The following CHST11 variants were observed in gnomAD, a reference collection of about 807,000 sequenced individuals.
CHST11 encodes C4S-1.
Under a neutral mutation model 30.4 loss-of-function variants are expected in CHST11, and 9 were observed. The ratio of observed to expected loss-of-function variants is 0.30; its 90% CI spans 0.18 to 0.52. The LOEUF is 0.52. Among genes scored for constraint, CHST11 ranks in the 20% least tolerant of loss-of-function variants. The pLI, the probability that CHST11 is intolerant of heterozygous loss-of-function variation, is 0.97. For synonymous variants in CHST11, 152 were observed against 187.8 expected, an observed-to-expected ratio of 0.81 and a Z score of 1.56; for missense variants, 348 against 460.6, an observed-to-expected ratio of 0.76 and a Z score of 2.24.
At chr12:104,561,717 C>T (rs145412439) in intron 1 of CHST11, among the ~76,000 whole-genome samples, 56 of 152,054 alleles carry the variant, frequency 3.7e-4, no homozygotes, top group African/African-American at 1.2e-3. Flanking sequence ...CCAGCCACTG[C>T]GCTAAGGGTT....
At chr12:104,692,893 A>G (rs1436611705) in intron 2 of CHST11, among the ~76,000 whole-genome samples, 2 of 150,152 alleles carry the variant, frequency 1.3e-5, no homozygotes, top group Admixed American at 6.6e-5. Flanking sequence ...AAAAAAAACA[A>G]AAAAAAAACT....
intron 1 of CHST11, among the ~76,000 whole-genome samples, chr12:104,574,721 T>TG (rs2038664609): frequency 1.4e-5 from 2 of 142,706 alleles, no homozygotes; most frequent in African/African-American, 2.6e-5. Context: ...GGGTGGGGGT[T>TG]GGGGGAGGGA....
At chr12:104,496,467 T>G (rs2037798967) in intron 1 of CHST11, among the ~76,000 whole-genome samples, 1 of 152,246 alleles carries the variant, frequency 6.6e-6, no homozygotes, top group Non-Finnish European at 1.5e-5. Flanking sequence ...GCTGTAATGT[T>G]TGTGTTGGAT....
chr12:104,736,579 C>T (rs948231672), intron 2 of CHST11, among the ~76,000 whole-genome samples: 13 of 152,328 alleles, frequency 8.5e-5, no homozygotes, highest in South Asian at 6.2e-4. Flanking sequence ...GCTGACTGAG[C>T]GTAGCAAAGC....
chr12:104,473,943 G>A lies in CHST11; in HGVS notation c.118+16414G>A, dbSNP rs570534313. ...CCACCACCACCACCACCACCACCGCGACCACTACAACCACGACAGGGAGAA... is the reference window on the plus strand; with the variant it reads ...CCACCACCACCACCACCACCACCGCAACCACTACAACCACGACAGGGAGAA... On this transcript the variant is annotated intron_variant, in intron 1 of 2. Coordinates refer to ENST00000303694, the MANE Select transcript of CHST11 (RefSeq NM_018413.6). Among the ~76,000 whole-genome samples, 56 of 151,644 alleles carry A rather than the reference G, an allele frequency of 3.7e-4. 2 individuals are homozygous for A. The South Asian group carries it at 0.011, about 30-fold the overall frequency.
chr12:104,524,874 T>C (rs2038108887), intron 1 of CHST11, among the ~76,000 whole-genome samples: 1 of 152,222 alleles, frequency 6.6e-6, no homozygotes, highest in African/African-American at 2.4e-5. Context: ...TATTTTGTTT[T>C]GGTTCTCATC....
Position 104,468,476 on chromosome 12 carries a change from A to C in CHST11, c.118+10947A>C, listed in dbSNP as rs866105197. Among the ~76,000 whole-genome samples, 44 of 152,298 alleles carry C rather than the reference A, an allele frequency of 2.9e-4. 1 individual carries two copies. The highest frequency in any genetic ancestry group is 6.8e-3 in the Middle Eastern group (2 of 294). On this transcript the variant is annotated intron_variant, in intron 1 of 2. Transcript: ENST00000303694. ...TGGAATAAAAACCAAACCCGGCTGTATGACTTCATATCCGCTGCTCTGAAC... is the reference window on the plus strand; with the variant it reads ...TGGAATAAAAACCAAACCCGGCTGTCTGACTTCATATCCGCTGCTCTGAAC...
intron 1 of CHST11, among the ~76,000 whole-genome samples, chr12:104,544,778 C>CGCCCCCCCCCCCA (rs1555231414): frequency 9.6e-6 from 1 of 104,106 alleles, no homozygotes; most frequent in East Asian, 6.9e-4. Flanking sequence ...GTCCCCCCAC[C>CGCCCCCCCCCCCA]CCGGAGATAA....
chr12:104,729,214 AG>A lies in CHST11; in HGVS notation c.205-27731del, dbSNP rs1188974069. Among the ~76,000 whole-genome samples the A allele has an allele frequency of 6.6e-6, 1 of 152,164 alleles. No homozygotes were observed. Among genetic ancestry groups the A allele is most frequent in the Non-Finnish European group, 1.5e-5 (1 of 68,024 alleles). ...ACATGGCCAGAATGACCAACAGACT[AG>A]GGGAGACTGACCTCCTGCCCCACAT... is the stretch of plus-strand genomic sequence containing the variant. On this transcript the variant is annotated intron_variant, in intron 2 of 2. Coordinates refer to ENST00000303694, the MANE Select transcript of CHST11 (RefSeq NM_018413.6). This position sits in a 1 kb window ranked among gnomAD's most constrained non-coding sequence, Gnocchi z 4.0.
Position 104,757,717 on chromosome 12 carries a change from G to C in CHST11, c.973G>C (p.Glu325Gln). 6.2e-7 allele frequency: 1 copy of C among 1,614,162 alleles called. No individual in the cohort carries two copies. The highest frequency in any genetic ancestry group is 8.5e-7 in the Non-Finnish European group (1 of 1,180,042). ...TTEFFQNISS[E>Q]HQTQLYEVYK... ...AGAATTCTTCCAGAACATCAGCTCA[G>C]AGCACCAAACGCAGCTGTACGAAGT... Residue 325 changes from glutamate to glutamine, a missense_variant, in exon 3 of 3, where the codon GAG becomes CAG. Glu to Gln is a conservative substitution (Grantham distance 29, BLOSUM62 2). Around this residue, in one of 3 missense-constraint regions of CHST11, gnomAD observed 210 missense variants for 287.2 expected, o/e 0.73. Coordinates refer to ENST00000303694, the MANE Select transcript of CHST11 (RefSeq NM_018413.6). The surrounding 1 kb of genome is among the most constrained non-coding windows in gnomAD (Gnocchi z 6.5).
chr12:104,485,395 A>G (rs2037667648), intron 1 of CHST11, among the ~76,000 whole-genome samples: 1 of 152,248 alleles, frequency 6.6e-6, no homozygotes, highest in Admixed American at 6.5e-5. Context: ...CACAGTGGGC[A>G]AGAAGAGTGG....
At chr12:104,543,675 A>G (rs1281590558) in intron 1 of CHST11, among the ~76,000 whole-genome samples, 1 of 152,158 alleles carries the variant, frequency 6.6e-6, no homozygotes, top group Non-Finnish European at 1.5e-5. Context: ...CAGTGGCATC[A>G]TGAGACCTGA....
In CHST11 at chr12:104,600,964, T is replaced by TCTTCC. The variant is rs1255853035; in HGVS notation, c.119-931_119-927dup. Among the ~76,000 whole-genome samples the TCTTCC allele has an allele frequency of 6.7e-6, 1 of 148,872 alleles. No homozygotes were observed. Among genetic ancestry groups the TCTTCC allele is most frequent in the Non-Finnish European group, 1.5e-5 (1 of 67,236 alleles). On this transcript the variant is annotated intron_variant, in intron 1 of 2. Transcript: ENST00000303694. This position sits in a 1 kb window ranked among gnomAD's most constrained non-coding sequence, Gnocchi z 4.1. Reference sequence around the variant, plus strand: ...TTTCCTCCCTCTTTTCCTCTCTCCTTCTTCCCTTCCCTTCCTTCCTTCGCT... The same window carrying TCTTCC: ...TTTCCTCCCTCTTTTCCTCTCTCCTTCTTCCCTTCCCTTCCCTTCCTTCCTTCGCT...
Position 104,686,585 on chromosome 12 carries a change from T to C in CHST11, c.205-70364T>C, listed in dbSNP as rs370745296. On this transcript the variant is annotated intron_variant, in intron 2 of 2. Transcript: ENST00000303694. ...CTGTGGCTGCTACTGTATCAAAAGTTACAAAGTAACTGCTAAGTAGAGCCT... is the reference window on the plus strand; with the variant it reads ...CTGTGGCTGCTACTGTATCAAAAGTCACAAAGTAACTGCTAAGTAGAGCCT... Among the ~76,000 whole-genome samples the C allele has an allele frequency of 1.3e-4, 20 of 152,356 alleles. 1 individual carries two copies. The highest frequency in any genetic ancestry group is 7.7e-4 in the East Asian group (4 of 5,188).
chr12:104,595,646 G>A (rs1353435056), intron 1 of CHST11, among the ~76,000 whole-genome samples: 1 of 152,154 alleles, frequency 6.6e-6, no homozygotes, highest in Non-Finnish European at 1.5e-5. Context: ...CAGAGCCAGG[G>A]CTGGGATCCA....
chr12:104,756,574 G>T (rs1425593596), intron 2 of CHST11, among the ~76,000 whole-genome samples: 1 of 76,290 alleles, frequency 1.3e-5, no homozygotes, highest in East Asian at 3.9e-4. Flanking sequence ...TAGAGACAGG[G>T]TCTTGCTCTG....
At chr12:104,465,844 G>A (rs372303461) in intron 1 of CHST11, among the ~76,000 whole-genome samples, 1 of 151,910 alleles carries the variant, frequency 6.6e-6, no homozygotes, top group Non-Finnish European at 1.5e-5. Flanking sequence ...ATAGAAATCA[G>A]TCTAGATATT....
chr12:104,557,497 G>C (rs574452235), intron 1 of CHST11, among the ~76,000 whole-genome samples: 6 of 152,222 alleles, frequency 3.9e-5, no homozygotes, highest in East Asian at 1.9e-4. Flanking sequence ...CAGGAGAAGG[G>C]GGGCACCGGC....
At chr12:104,457,663 G>T in intron 1 of CHST11, 134 bp downstream of exon 1, 1 of 719,316 alleles carries the variant, frequency 1.4e-6, no homozygotes, top group Non-Finnish European at 2.5e-6. Flanking sequence ...GCTGCCCAGA[G>T]CTCCTGGCTG....
Sources: gnomAD v4.1 joint callset for allele counts (sites outside exome capture counted in the v4.1 genomes callset) on GRCh38, gnomAD v4.1.1 for gene constraint, gnomAD v4.1.1 regional missense constraint, Gnocchi (gnomAD v3.1) non-coding constraint, MANE v1.5 for transcripts, NCBI Gene and HGNC (gene_info 2026-07-23, HGNC 2026-07-21) for gene names.